Variants in CALN1 observed in about 807,000 individuals in gnomAD.
CALN1 encodes calcium-binding protein 8.
A neutral mutation model predicts 30.6 loss-of-function variants in CALN1; 17 were observed. The ratio of observed to expected loss-of-function variants is 0.56; its 90% CI spans 0.38 to 0.83. The LOEUF (loss-of-function observed/expected upper bound fraction) is 0.83. Ranked by LOEUF, CALN1 falls within the 40% of genes least tolerant of loss-of-function variation. The pLI is 0.00. For missense variants in CALN1, 291 were observed against 354.9 expected (o/e 0.82, Z 1.45); for synonymous variants, 156 against 131.4 (o/e 1.19, Z -1.28).
intron 3 of CALN1, among the ~76,000 whole-genome samples, chr7:72,143,286 T>C (rs952407128): frequency 1.3e-5 from 2 of 152,170 alleles, no homozygotes; most frequent in African/African-American, 4.8e-5. Context: ...TTAAAGGACC[T>C]GATGGAGCTG....
At chr7:71,888,640 C>A (rs1327106749) in intron 5 of CALN1, among the ~76,000 whole-genome samples, 1 of 152,032 alleles carries the variant, frequency 6.6e-6, no homozygotes, top group Admixed American at 6.6e-5. Flanking sequence ...GTGAAGGGAA[C>A]AGAAAGCATA....
At chr7:72,036,657 G>T (rs777643002) in intron 4 of CALN1, among the ~76,000 whole-genome samples, 2 of 151,974 alleles carry the variant, frequency 1.3e-5, no homozygotes, top group East Asian at 1.9e-4. Context: ...TTTGGCTTTA[G>T]AATTTCTCTT....
chr7:71,877,648 C>A (rs1035205825), intron 5 of CALN1, among the ~76,000 whole-genome samples: 4 of 150,524 alleles, frequency 2.7e-5, no homozygotes, highest in African/African-American at 9.8e-5. Flanking sequence ...AAAAAAAAAA[C>A]GATGGAGAAA....
At chr7:71,984,067 ATAAT>A (rs922301207) in intron 5 of CALN1, among the ~76,000 whole-genome samples, 1 of 152,222 alleles carries the variant, frequency 6.6e-6, no homozygotes, top group Non-Finnish European at 1.5e-5. Flanking sequence ...TTAAGAGTAA[ATAAT>A]TAATCAAAAG....
intron 5 of CALN1, among the ~76,000 whole-genome samples, chr7:71,911,409 T>C (rs373333635): frequency 2.3e-4 from 35 of 152,286 alleles, no homozygotes; most frequent in African/African-American, 4.1e-4. Context: ...TCGGTACTCA[T>C]TGGATGCCTA....
chr7:72,393,457 CCG>C (rs1805712242), intron 2 of CALN1, among the ~76,000 whole-genome samples: 1 of 152,132 alleles, frequency 6.6e-6, no homozygotes, highest in Non-Finnish European at 1.5e-5. Context: ...GAGCAAGACT[CCG>C]TCTCAAAAAA....
At chr7:72,426,721 C>T (rs775185715) in intron 1 of CALN1, among the ~76,000 whole-genome samples, 2 of 152,242 alleles carry the variant, frequency 1.3e-5, no homozygotes, top group Non-Finnish European at 2.9e-5. Context: ...AACCACTGGG[C>T]TGTATTTATC....
intron 3 of CALN1, among the ~76,000 whole-genome samples, chr7:72,173,487 C>T (rs1304662766): frequency 6.6e-6 from 1 of 151,996 alleles, no homozygotes; most frequent in Admixed American, 6.6e-5. Context: ...AGGCTAAATG[C>T]TATAAAAAGC....
At chr7:72,001,088 A>G (rs996706423) in intron 5 of CALN1, among the ~76,000 whole-genome samples, 72 of 133,272 alleles carry the variant, frequency 5.4e-4, no homozygotes, top group South Asian at 7.6e-4. Flanking sequence ...TATGCACTAA[A>G]TAACAGTAAT....
At chr7:72,414,699 G>A (rs906407912), upstream of CALN1, among the ~76,000 whole-genome samples, 10 of 152,206 alleles carry the variant, frequency 6.6e-5, no homozygotes, top group Admixed American at 4.6e-4. Context: ...GGGAACATGA[G>A]CTCTGTACCC....
intron 4 of CALN1, among the ~76,000 whole-genome samples, chr7:72,105,128 C>T (rs1325471221): frequency 3.3e-5 from 5 of 152,124 alleles, no homozygotes; most frequent in South Asian, 4.2e-4. Flanking sequence ...TCCATTGTGG[C>T]GCTGGTTTTA....
rs752741289 is a variant in CALN1 at position 72,271,271 on chromosome 7, C to T, written c.244+7415G>A. Among the ~76,000 whole-genome samples, 14 of 152,062 alleles carry T rather than the reference C, an allele frequency of 9.2e-5. 1 individual carries two copies. Among genetic ancestry groups the T allele is most frequent in the South Asian group, 4.2e-4 (2 of 4,800 alleles). On this transcript the variant is annotated intron_variant, in intron 3 of 6. Coordinates refer to ENST00000395275, the MANE Select transcript of CALN1 (RefSeq NM_031468.4). ...GATACGTATCTTGAGGTCATCAGCA[C>T]GTAGATGCTCGGGCAGAAGGCAACA...
rs546532047 is a variant in CALN1 at position 72,125,257 on chromosome 7, C to T, written c.245-18963G>A. ...CTCAAACTCCTGGCCTCAAGTGATC[C>T]GCCTGCCTCAGCCTCCCAAAATGCT... On this transcript the variant is annotated intron_variant, in intron 3 of 6. Coordinates refer to ENST00000395275, the MANE Select transcript of CALN1 (RefSeq NM_031468.4). Among the ~76,000 whole-genome samples the T allele has an allele frequency of 1.1e-4, 16 of 152,258 alleles. No homozygotes were observed. In the East Asian group the frequency reaches 2.5e-3, roughly 24 times the overall value.
chr7:72,300,476 G>C (rs1456285580), intron 2 of CALN1, among the ~76,000 whole-genome samples: 1 of 151,934 alleles, frequency 6.6e-6, no homozygotes, highest in Non-Finnish European at 1.5e-5. Flanking sequence ...AATAAGCAAA[G>C]TGCATTCATA....
At chr7:72,284,445 G>C (rs1388580599) in intron 2 of CALN1, among the ~76,000 whole-genome samples, 1 of 152,226 alleles carries the variant, frequency 6.6e-6, no homozygotes, top group Admixed American at 6.5e-5. Flanking sequence ...TGATGTGTCT[G>C]TGAGGGTGTT....
At chr7:71,972,855 CAG>C (rs1584648174) in intron 5 of CALN1, among the ~76,000 whole-genome samples, 1 of 152,278 alleles carries the variant, frequency 6.6e-6, no homozygotes, top group African/African-American at 2.4e-5. Flanking sequence ...GGCGTGTGGG[CAG>C]AGTGTGATCT....
chr7:72,419,606 C>T (rs184368709), intron 1 of CALN1, among the ~76,000 whole-genome samples: 1 of 152,168 alleles, frequency 6.6e-6, no homozygotes, highest in African/African-American at 2.4e-5. Context: ...ACCCCACCCT[C>T]AAGCTTGGAG....
chr7:72,171,222 C>T (rs956939728), intron 3 of CALN1, among the ~76,000 whole-genome samples: 15 of 152,116 alleles, frequency 9.9e-5, no homozygotes, highest in African/African-American at 2.7e-4. Context: ...AAACTTTTCA[C>T]GCCTAAAAGA....
At chr7:71,940,115 A>C (rs1398338424) in intron 5 of CALN1, among the ~76,000 whole-genome samples, 1 of 152,170 alleles carries the variant, frequency 6.6e-6, no homozygotes, top group African/African-American at 2.4e-5. Flanking sequence ...GAAACCTGGA[A>C]GTTTACCAGG....
Sources: gnomAD v4.1 joint callset for allele counts (sites outside exome capture counted in the v4.1 genomes callset) on GRCh38, gnomAD v4.1.1 for gene constraint, MANE v1.5 for transcripts, NCBI Gene and HGNC (gene_info 2026-07-23, HGNC 2026-07-21) for gene names.